The following BICC1 variants were observed in gnomAD, a reference collection of about 807,000 sequenced individuals.
The protein encoded by BICC1 is protein bicaudal C homolog 1.
Under a neutral mutation model 111.0 loss-of-function variants are expected in BICC1, and 43 were observed. The ratio of observed to expected loss-of-function variants is 0.39; its 90% CI spans 0.30 to 0.50. The LOEUF (loss-of-function observed/expected upper bound fraction) is 0.50, where lower values mean the gene tolerates loss of function less well. Among genes scored for constraint, BICC1 ranks in the 20% least tolerant of loss-of-function variants. BICC1 has a pLI of 0.88. For synonymous variants in BICC1, 467 were observed against 434.4 expected (o/e 1.07, Z -0.93); for missense variants, 1,091 against 1,203.2 (o/e 0.91, Z 1.38).
chr10:58,814,181 G>A (rs542346610), intron 18 of BICC1, 195 bp downstream of exon 18: 2 of 681,254 alleles, frequency 2.9e-6, no homozygotes, highest in Admixed American at 4.6e-5. Context: ...ACTCCATTTT[G>A]TGCGTGCTTT....
chr10:58,637,280 G>T (rs1479197263), intron 2 of BICC1, among the ~76,000 whole-genome samples: 2 of 152,110 alleles, frequency 1.3e-5, no homozygotes, highest in Admixed American at 6.6e-5. Flanking sequence ...TTAGAAATAT[G>T]TTTTTTCCTT....
chr10:58,774,602 A>T (rs1842701538), intron 3 of BICC1, among the ~76,000 whole-genome samples: 1 of 152,220 alleles, frequency 6.6e-6, no homozygotes, highest in African/African-American at 2.4e-5. Flanking sequence ...AATCACTATT[A>T]ATTTGGTTTT....
intron 2 of BICC1, among the ~76,000 whole-genome samples, chr10:58,694,468 A>G (rs1301200526): frequency 1.3e-5 from 2 of 152,216 alleles, no homozygotes; most frequent in Non-Finnish European, 2.9e-5. Context: ...TTTGTGTATC[A>G]TGGTAATGGA....
rs536671420 is a variant in BICC1 at position 58,807,035 on chromosome 10, C to T, written c.2253C>T (p.Val751=). ...TAAAGAAACCAGTGGTGACGGAGGT[C>T]AGAACGCCCACAAATACCTGGAGTG... ...AMLKKPVVTE[V]RTPTNTWSGL... is the part of the protein sequence containing the mutation. The change falls in exon 17 of 21, where the codon GTC becomes GTT. Residue 751 remains valine (V), a synonymous_variant. Transcript: ENST00000373886. 7.1e-5 allele frequency: 115 copies of T among 1,613,730 alleles called. 2 individuals are homozygous for T. In the South Asian group the frequency reaches 1.3e-3, roughly 18 times the overall value.
intron 2 of BICC1, among the ~76,000 whole-genome samples, chr10:58,672,844 A>T (rs1327542064): frequency 6.6e-6 from 1 of 152,150 alleles, no homozygotes; most frequent in East Asian, 1.9e-4. Flanking sequence ...GGTTATATTG[A>T]GGGAATTTGA....
At chr10:58,520,414 C>T (rs750926941) in intron 1 of BICC1, among the ~76,000 whole-genome samples, 1 of 152,074 alleles carries the variant, frequency 6.6e-6, no homozygotes, top group Non-Finnish European at 1.5e-5. Context: ...GAGCACAAAA[C>T]CATCATAGAA....
chr10:58,519,440 C>T (rs1229803653), intron 1 of BICC1, among the ~76,000 whole-genome samples: 4 of 152,026 alleles, frequency 2.6e-5, no homozygotes, highest in African/African-American at 4.8e-5. Context: ...TGTTTTACCC[C>T]ATATTTTCCT....
rs1338499010 is a variant in BICC1 at position 58,542,157 on chromosome 10, A to AAC, written c.190+28825_190+28826insCA. ...CAGAGCAAGACCCTGTCTCAAAAAAAAAAAAAAAACAAAAAAAAAAACCCA... is the reference window on the plus strand; with the variant it reads ...CAGAGCAAGACCCTGTCTCAAAAAAAACAAAAAAAAACAAAAAAAAAAACCCA... On this transcript the variant is annotated intron_variant, in intron 1 of 20. Transcript: ENST00000373886. Among the ~76,000 whole-genome samples the AAC allele has an allele frequency of 2.1e-5, 3 of 145,642 alleles. No homozygotes were observed. In the East Asian group the frequency reaches 5.9e-4, roughly 28 times the overall value.
In BICC1 at chr10:58,807,155, T is replaced by C. The variant is rs776194730; in HGVS notation, c.2373T>C (p.Tyr791=). The C allele has an allele frequency of 1.8e-5, 29 of 1,613,424 alleles. No individual in the cohort carries two copies. Among genetic ancestry groups the C allele is most frequent in the South Asian group, 8.8e-5 (8 of 90,938 alleles). The change falls in exon 17 of 21, where the codon TAT becomes TAC. Residue 791 remains tyrosine (Y), a synonymous_variant. Coordinates refer to ENST00000373886, the MANE Select transcript of BICC1 (RefSeq NM_001080512.3). ...ATAAGCCCACAATGACAACCACTTA[T>C]GAGGTTTGTAGAGTCATGTCCTACT... is the stretch of plus-strand genomic sequence containing the variant. The part of the protein sequence containing the change: ...VSYKPTMTTT[Y]EGSSMSLSRS...
intron 2 of BICC1, among the ~76,000 whole-genome samples, chr10:58,684,690 T>C (rs1395010760): frequency 1.3e-5 from 2 of 152,334 alleles, no homozygotes; most frequent in Admixed American, 1.3e-4. Flanking sequence ...TCTCTGATGG[T>C]AGTTTGTATT....
At chr10:58,797,624 G>T (rs1206300290) in intron 10 of BICC1, among the ~76,000 whole-genome samples, 2 of 152,140 alleles carry the variant, frequency 1.3e-5, no homozygotes, top group African/African-American at 4.8e-5. Flanking sequence ...GAGAAAACAA[G>T]TGAGCAAAGA....
chr10:58,663,638 G>C (rs1011545299), intron 2 of BICC1, among the ~76,000 whole-genome samples: 1 of 152,118 alleles, frequency 6.6e-6, no homozygotes, highest in Non-Finnish European at 1.5e-5. Flanking sequence ...ATTGTGAACT[G>C]TGCATTCAAG....
intron 1 of BICC1, among the ~76,000 whole-genome samples, chr10:58,559,102 A>T (rs1237387935): frequency 8.7e-6 from 1 of 115,298 alleles, no homozygotes; most frequent in Non-Finnish European, 2.0e-5. Flanking sequence ...TTTAATTAAT[A>T]ACCACCCCCC....
At chr10:58,780,175 A>T (rs1173503178) in intron 3 of BICC1, among the ~76,000 whole-genome samples, 2 of 152,224 alleles carry the variant, frequency 1.3e-5, no homozygotes, top group Non-Finnish European at 2.9e-5. Flanking sequence ...GCTCCACGCC[A>T]GGGGAAAGTA....
intron 2 of BICC1, among the ~76,000 whole-genome samples, chr10:58,633,962 A>G (rs1837872462): frequency 6.9e-6 from 1 of 145,636 alleles, no homozygotes. Context: ...TAGGGGCGGA[A>G]TTTCTTTTCT....
chr10:58,691,203 T>C (rs1261824048), intron 2 of BICC1, among the ~76,000 whole-genome samples: 1 of 152,168 alleles, frequency 6.6e-6, no homozygotes, highest in Non-Finnish European at 1.5e-5. Context: ...TACAGTGTTG[T>C]TATCTCCAGG....
chr10:58,736,977 C>T (rs1347150798), intron 3 of BICC1, among the ~76,000 whole-genome samples: 5 of 151,530 alleles, frequency 3.3e-5, no homozygotes. Flanking sequence ...ATTTTATTTT[C>T]ACAAAAGTAT....
At chr10:58,527,212 T>C (rs1182329939) in intron 1 of BICC1, among the ~76,000 whole-genome samples, 4 of 152,162 alleles carry the variant, frequency 2.6e-5, no homozygotes, top group Admixed American at 2.6e-4. Context: ...GTTTTTTGGC[T>C]GCATAAATGT....
chr10:58,513,586 C>T (rs1344955556), intron 1 of BICC1, among the ~76,000 whole-genome samples: 1 of 152,184 alleles, frequency 6.6e-6, no homozygotes, highest in Non-Finnish European at 1.5e-5. Context: ...AAGCCGAAGG[C>T]CGAGTTTGTA....
Sources: gnomAD v4.1 joint callset for allele counts (sites outside exome capture counted in the v4.1 genomes callset) on GRCh38, gnomAD v4.1.1 for gene constraint, MANE v1.5 for transcripts, NCBI Gene and HGNC (gene_info 2026-07-23, HGNC 2026-07-21) for gene names.